The following LRMDA variants were observed in gnomAD, a reference collection of about 807,000 sequenced individuals.
LRMDA encodes leucine-rich melanocyte differentiation-associated protein.
A neutral mutation model predicts 29.8 loss-of-function variants in LRMDA; 18 were observed. That is an observed-to-expected ratio of 0.60 (90% confidence interval 0.42 to 0.90). The LOEUF (loss-of-function observed/expected upper bound fraction) is 0.90. Ranked by LOEUF, LRMDA falls within the 40% of genes least tolerant of loss-of-function variation. The pLI, the probability that LRMDA is intolerant of heterozygous loss-of-function variation, is 0.00. For missense variants in LRMDA, 273 were observed against 273.9 expected (o/e 1.00, Z 0.02); for synonymous variants, 125 against 109.4 (o/e 1.14, Z -0.89).
chr10:75,784,615 C>T (rs1340973112), intron 2 of LRMDA, among the ~76,000 whole-genome samples: 2 of 150,910 alleles, frequency 1.3e-5, no homozygotes, highest in Admixed American at 1.3e-4. Context: ...AGGAGAATGG[C>T]GTGAACCCGG....
intron 5 of LRMDA, among the ~76,000 whole-genome samples, chr10:76,105,895 T>C (rs779442925): frequency 1.3e-5 from 2 of 152,124 alleles, no homozygotes; most frequent in Non-Finnish European, 2.9e-5. Context: ...TACAGGCGCA[T>C]GCCACCATGC....
At chr10:75,667,114 A>G (rs1841831899) in intron 2 of LRMDA, among the ~76,000 whole-genome samples, 1 of 152,186 alleles carries the variant, frequency 6.6e-6, no homozygotes, top group Non-Finnish European at 1.5e-5. Context: ...ATTGAAATAC[A>G]ACTTTCATTA....
chr10:75,447,733 A>G (rs1452457105), intron 2 of LRMDA, among the ~76,000 whole-genome samples: 3 of 152,112 alleles, frequency 2.0e-5, no homozygotes, highest in Non-Finnish European at 4.4e-5. Flanking sequence ...CATCTCTACA[A>G]AAAATACACA....
chr10:75,681,589 G>A (rs1333003667), intron 2 of LRMDA, among the ~76,000 whole-genome samples: 1 of 152,188 alleles, frequency 6.6e-6, no homozygotes, highest in Non-Finnish European at 1.5e-5. Flanking sequence ...GTCGCATGGA[G>A]CATGCTCTTC....
At chr10:76,186,091 A>G (rs1462331305) in intron 5 of LRMDA, among the ~76,000 whole-genome samples, 1 of 152,064 alleles carries the variant, frequency 6.6e-6, no homozygotes, top group Admixed American at 6.5e-5. Context: ...CCATTTACGC[A>G]TTCCAAGCTG....
chr10:76,343,209 G>A (rs1841062788), intron 6 of LRMDA, among the ~76,000 whole-genome samples: 1 of 152,166 alleles, frequency 6.6e-6, no homozygotes, highest in Non-Finnish European at 1.5e-5. Context: ...TACTCTTACA[G>A]AAGTATATTT....
intron 2 of LRMDA, chr10:75,642,651 T>G (rs1841469059): frequency 6.6e-6 from 1 of 152,230 alleles, no homozygotes; most frequent in African/African-American, 2.4e-5. Context: ...GATGAATTTT[T>G]GGCTAAAGTT....
intron 5 of LRMDA, among the ~76,000 whole-genome samples, chr10:76,080,807 A>G (rs1293329538): frequency 1.3e-5 from 2 of 152,188 alleles, no homozygotes; most frequent in Non-Finnish European, 1.5e-5. Flanking sequence ...TGTCCCATCT[A>G]CATAAGTCAG....
At chr10:76,000,492 C>T (rs2132468411) in intron 2 of LRMDA, among the ~76,000 whole-genome samples, 1 of 152,310 alleles carries the variant, frequency 6.6e-6, no homozygotes, top group African/African-American at 2.4e-5. Flanking sequence ...AGAGGGAAGG[C>T]AGTCCCAGCC....
chr10:76,157,282 C>G (rs906510854), intron 5 of LRMDA, among the ~76,000 whole-genome samples: 1 of 151,988 alleles, frequency 6.6e-6, no homozygotes, highest in East Asian at 1.9e-4. Flanking sequence ...TGAATTTTTG[C>G]CATAGTATAT....
chr10:75,913,983 C>G (rs1845888621), intron 2 of LRMDA, among the ~76,000 whole-genome samples: 1 of 152,218 alleles, frequency 6.6e-6, no homozygotes, highest in Non-Finnish European at 1.5e-5. Context: ...CCTCCTTGAG[C>G]GTTTCCACTG....
chr10:76,509,497 T>G (rs1842988376), intron 6 of LRMDA, among the ~76,000 whole-genome samples: 1 of 152,156 alleles, frequency 6.6e-6, no homozygotes. Flanking sequence ...GAAGACTGGG[T>G]GTACATGCTA....
intron 2 of LRMDA, among the ~76,000 whole-genome samples, chr10:75,958,718 G>C (rs1846708323): frequency 6.6e-6 from 1 of 152,198 alleles, no homozygotes; most frequent in Non-Finnish European, 1.5e-5. Context: ...TAAGTTTGGA[G>C]AGTGTATTAG....
chr10:75,708,423 C>T (rs1466504853), intron 2 of LRMDA, among the ~76,000 whole-genome samples: 2 of 152,182 alleles, frequency 1.3e-5, no homozygotes, highest in Admixed American at 6.5e-5. Context: ...TCAACACACT[C>T]CACCATTTTC....
chr10:75,683,313 A>G (rs759770641), intron 2 of LRMDA, among the ~76,000 whole-genome samples: 1 of 152,202 alleles, frequency 6.6e-6, no homozygotes, highest in Admixed American at 6.5e-5. Context: ...AGATCGTCTC[A>G]GCGTCAGTTA....
chr10:75,786,575 T>C (rs1843475967), intron 2 of LRMDA, among the ~76,000 whole-genome samples: 1 of 152,200 alleles, frequency 6.6e-6, no homozygotes. Context: ...GATTTTTTTC[T>C]GATTCAAATG....
intron 5 of LRMDA, among the ~76,000 whole-genome samples, chr10:76,236,017 C>T (rs188477896): frequency 6.6e-5 from 10 of 152,174 alleles, no homozygotes; most frequent in Non-Finnish European, 1.5e-4. Context: ...CAAAAAATGA[C>T]CTCCAATAAC....
rs1443840445 is a variant in LRMDA, at chr10:76,055,658, G to C, written c.399-3008G>C. The stretch of plus-strand genomic sequence containing the variant: ...GGGTACATGAGCAAGCAAGCACAGG[G>C]TCTGGCCACTGCATACAGCCAGGCA... On this transcript the variant is annotated intron_variant, in intron 4 of 6. Transcript: ENST00000611255. Among the ~76,000 whole-genome samples, 4 of 152,364 alleles carry C rather than the reference G, an allele frequency of 2.6e-5. No individual in the cohort carries two copies. In the East Asian group the frequency reaches 7.7e-4, roughly 29 times the overall value.
At chr10:75,478,428 T>C (rs1326727108) in intron 2 of LRMDA, among the ~76,000 whole-genome samples, 1 of 152,192 alleles carries the variant, frequency 6.6e-6, no homozygotes, top group Non-Finnish European at 1.5e-5. Flanking sequence ...TTCTTTAGTT[T>C]CAATATTTGA....
Sources: allele counts gnomAD v4.1 joint callset (sites outside exome capture counted in the v4.1 genomes callset), GRCh38; gene constraint gnomAD v4.1.1; transcripts MANE v1.5; gene names NCBI Gene and HGNC (gene_info 2026-07-23, HGNC 2026-07-21).